Variants in MECOM observed in about 807,000 individuals in gnomAD.
MECOM encodes MDS1 and EVI1 complex locus.
Under a neutral mutation model 116.3 loss-of-function variants are expected in MECOM, and 13 were observed. The observed-to-expected ratio is 0.11, with a 90% confidence interval of 0.07 to 0.18. The LOEUF (loss-of-function observed/expected upper bound fraction) is 0.18. Ranked by LOEUF, MECOM falls within the 10% of genes least tolerant of loss-of-function variation. The pLI, the probability that MECOM is intolerant of heterozygous loss-of-function variation, is 1.00. For missense variants in MECOM, 1,299 were observed against 1,509.0 expected (o/e 0.86, Z 2.31); for synonymous variants, 528 against 535.2 (o/e 0.99, Z 0.19).
chr3:169,261,178 T>C (rs1283923893), intron 2 of MECOM, among the ~76,000 whole-genome samples: 1 of 152,158 alleles, frequency 6.6e-6, no homozygotes, highest in Non-Finnish European at 1.5e-5. Flanking sequence ...TAATTTTACA[T>C]TACTGTAAGG....
intron 1 of MECOM, among the ~76,000 whole-genome samples, chr3:169,435,868 A>T (rs1742545784): frequency 6.6e-6 from 1 of 152,192 alleles, no homozygotes; most frequent in Non-Finnish European, 1.5e-5. Flanking sequence ...TATAAACATT[A>T]ATTCAAGCAG....
chr3:169,425,570 C>T lies in MECOM; in HGVS notation c.38-44046G>A, dbSNP rs186863548. ...ACTAAAACTTTATATCTAGTGTCTT[C>T]GAGTCACCCTATGAGGTATGTCCGA... On this transcript the variant is annotated intron_variant, in intron 1 of 16. Transcript: ENST00000651503. Among the ~76,000 whole-genome samples, 320 of 152,142 alleles carry T rather than the reference C, an allele frequency of 2.1e-3. 3 individuals are homozygous for T. The highest frequency in any genetic ancestry group is 7.3e-3 in the Admixed American group (112 of 15,266).
intron 2 of MECOM, chr3:169,149,630 GA>G: frequency 2.1e-6 from 1 of 484,336 alleles, no homozygotes; most frequent in Non-Finnish European, 4.1e-6. Context: ...GCTACGAGAG[GA>G]AGGCACACTG....
intron 9 of MECOM, among the ~76,000 whole-genome samples, chr3:169,110,834 T>C (rs1434875477): frequency 3.3e-5 from 5 of 152,166 alleles, no homozygotes; most frequent in Non-Finnish European, 7.4e-5. Flanking sequence ...CGTGACATTC[T>C]GGTGTAGGAG....
chr3:169,548,166 A>G (rs1212015225), intron 1 of MECOM, among the ~76,000 whole-genome samples: 2 of 152,330 alleles, frequency 1.3e-5, no homozygotes, highest in East Asian at 3.9e-4. Flanking sequence ...ATTTGTCTAC[A>G]TATCAAAGGA....
At chr3:169,645,299 AT>A (rs11336994) in intron 1 of MECOM, among the ~76,000 whole-genome samples, 79,865 of 151,020 alleles carry the variant, frequency 0.53, 22,387 homozygotes, top group African/African-American at 0.73. Context: ...AGACAGATGT[AT>A]TTTTTTTTTC....
chr3:169,354,059 A>C (rs1473055312), intron 2 of MECOM, among the ~76,000 whole-genome samples: 5 of 151,646 alleles, frequency 3.3e-5, no homozygotes, highest in Non-Finnish European at 4.4e-5. Flanking sequence ...AAACCTGCTT[A>C]TAGTTATTAC....
At chr3:169,232,097 ACT>A (rs1753471952) in intron 2 of MECOM, among the ~76,000 whole-genome samples, 2 of 152,098 alleles carry the variant, frequency 1.3e-5, no homozygotes, top group Admixed American at 1.3e-4. Flanking sequence ...ACAGCTAGAA[ACT>A]CTAAGGAACT....
intron 1 of MECOM, among the ~76,000 whole-genome samples, chr3:169,402,337 C>A (rs1736039910): frequency 6.6e-6 from 1 of 152,148 alleles, no homozygotes; most frequent in African/African-American, 2.4e-5. Context: ...GAGCCCTGAG[C>A]CCCTGGGAGG....
chr3:169,592,332 C>G (rs1766526183), intron 1 of MECOM, among the ~76,000 whole-genome samples: 1 of 152,220 alleles, frequency 6.6e-6, no homozygotes, highest in Admixed American at 6.5e-5. Flanking sequence ...CAGAAGGCCT[C>G]TTCCTTTCTG....
At chr3:169,216,263 A>G (rs905924054) in intron 2 of MECOM, among the ~76,000 whole-genome samples, 1 of 152,144 alleles carries the variant, frequency 6.6e-6, no homozygotes, top group African/African-American at 2.4e-5. Context: ...CCATCATTTG[A>G]TGTCAAAATG....
rs140606767 is a variant in MECOM at position 169,583,945 on chromosome 3, G to A, written c.37+79391C>T. On this transcript the variant is annotated intron_variant, in intron 1 of 16. Coordinates refer to ENST00000651503, the MANE Select transcript of MECOM (RefSeq NM_004991.4). Reference sequence around the variant, plus strand: ...ATCAATTATTTGAGAAATATTTACCGTAGCTTAATTCTCAAAAATTGATCA... The same window carrying A: ...ATCAATTATTTGAGAAATATTTACCATAGCTTAATTCTCAAAAATTGATCA... Among the ~76,000 whole-genome samples, 82 of 152,192 alleles carry A rather than the reference G, an allele frequency of 5.4e-4. 1 individual carries two copies. In the East Asian group the frequency reaches 0.015, roughly 27 times the overall value.
intron 2 of MECOM, among the ~76,000 whole-genome samples, chr3:169,144,748 C>A (rs1739232893): frequency 6.6e-6 from 1 of 152,182 alleles, no homozygotes. Context: ...GAGTTGTTGA[C>A]CTGATGGTGA....
intron 2 of MECOM, among the ~76,000 whole-genome samples, chr3:169,206,173 G>A (rs2149461465): frequency 6.6e-6 from 1 of 152,296 alleles, no homozygotes; most frequent in East Asian, 1.9e-4. Flanking sequence ...GCAGGACTGG[G>A]ATGAAAGTAA....
intron 1 of MECOM, among the ~76,000 whole-genome samples, chr3:169,483,202 A>ATTTTTTTTTT (rs200735642): frequency 9.7e-6 from 1 of 102,982 alleles, no homozygotes; most frequent in African/African-American, 3.4e-5. Context: ...TTTTATTTTT[A>ATTTTTTTTTT]TTTTTTTTTT....
chr3:169,644,767 G>T (rs1773948912), intron 1 of MECOM, among the ~76,000 whole-genome samples: 1 of 152,118 alleles, frequency 6.6e-6, no homozygotes, highest in South Asian at 2.1e-4. Context: ...AAACAGCATT[G>T]AAATAAACTG....
intron 1 of MECOM, among the ~76,000 whole-genome samples, chr3:169,601,964 T>C (rs1560481936): frequency 6.6e-6 from 1 of 152,166 alleles, no homozygotes; most frequent in African/African-American, 2.4e-5. Context: ...TGACAATAAA[T>C]GAAATGAAAT....
At chr3:169,134,794 A>G (rs750669162) in intron 3 of MECOM, among the ~76,000 whole-genome samples, 5 of 152,164 alleles carry the variant, frequency 3.3e-5, no homozygotes, top group Non-Finnish European at 5.9e-5. Context: ...TTCTAATAAC[A>G]TTAATGGTAT....
At chr3:169,521,262 A>G (rs946050466) in intron 1 of MECOM, among the ~76,000 whole-genome samples, 1 of 152,106 alleles carries the variant, frequency 6.6e-6, no homozygotes, top group African/African-American at 2.4e-5. Context: ...CCTACTCCTT[A>G]CAGCTTTTGA....
Sources: allele counts gnomAD v4.1 joint callset (sites outside exome capture counted in the v4.1 genomes callset), GRCh38; gene constraint gnomAD v4.1.1; transcripts MANE v1.5; gene names NCBI Gene and HGNC (gene_info 2026-07-23, HGNC 2026-07-21).